The following YAF2 variants were observed in gnomAD, a reference collection of about 807,000 sequenced individuals.
The protein encoded by YAF2 is YY1-associated factor 2.
YAF2 carries 7 observed loss-of-function variants against 20.1 expected under a neutral mutation model. The observed-to-expected ratio is 0.35, with a 90% CI of 0.20 to 0.65. The LOEUF (loss-of-function observed/expected upper bound fraction) is 0.65. YAF2 is among the 30% of genes least tolerant of loss of function. The pLI is 0.69. For missense variants in YAF2, 151 were observed against 219.2 expected, an observed-to-expected ratio of 0.69 and a Z score of 1.96; for synonymous variants, 74 against 76.0, an observed-to-expected ratio of 0.97 and a Z score of 0.14.
At chr12:42,172,319 A>C (rs1435699856) in intron 2 of YAF2, 1 of 152,208 alleles carries the variant, frequency 6.6e-6, no homozygotes, top group African/African-American at 2.4e-5. Flanking sequence ...CAAAATTATA[A>C]ATTATTATAA....
chr12:42,161,713 C>A lies in YAF2; in HGVS notation c.205G>T (p.Val69Leu). 1.2e-6 allele frequency: 2 copies of A among 1,610,122 alleles called. No individual in the cohort carries two copies. The highest frequency in any genetic ancestry group is 1.7e-6 in the Non-Finnish European group (2 of 1,179,112). The change falls in exon 3 of 4, where the codon GTG becomes TTG. Residue 69 changes from valine (V) to leucine (L), a missense_variant. By Grantham distance (32) the Val-to-Leu change is conservative (BLOSUM62 1). Around this residue, in one of 3 missense-constraint regions of YAF2, gnomAD observed 50 missense variants for 112.0 expected, o/e 0.45. Coordinates refer to ENST00000534854, the MANE Select transcript of YAF2 (RefSeq NM_005748.6). The stretch of plus-strand genomic sequence containing the variant: ...TCTTTCTTTGACTGTGTAGGAGGCA[C>A]AAACTGCTGAGTAACCTGCTGTGCA... Reference protein sequence around the residue: ...LVAQQVTQQFVPPTQSKKEKK... With the variant: ...LVAQQVTQQFLPPTQSKKEKK...
chr12:42,180,385 C>T (rs1394594933), intron 2 of YAF2, among the ~76,000 whole-genome samples: 1 of 152,168 alleles, frequency 6.6e-6, no homozygotes, highest in Non-Finnish European at 1.5e-5. Context: ...GGTCCAACTG[C>T]CAGCAAAGAA....
intron 2 of YAF2, chr12:42,232,845 C>T (rs569604800): frequency 1.0e-6 from 1 of 985,124 alleles, no homozygotes; most frequent in Admixed American, 6.1e-5. Context: ...TTTTACCTAA[C>T]CATAATAATA....
intron 2 of YAF2, among the ~76,000 whole-genome samples, chr12:42,204,417 C>A (rs1010164203): frequency 6.6e-6 from 1 of 151,980 alleles, no homozygotes; most frequent in Non-Finnish European, 1.5e-5. Flanking sequence ...GACTTTTTTC[C>A]CTTGTCATTA....
intron 2 of YAF2, among the ~76,000 whole-genome samples, chr12:42,226,858 C>T (rs1309942634): frequency 6.6e-6 from 1 of 150,906 alleles, no homozygotes; most frequent in Middle Eastern, 3.2e-3. Flanking sequence ...GAGGTCGCGG[C>T]GCCGGAGGCC....
At chr12:42,167,180 C>T (rs1006471017) in intron 2 of YAF2, among the ~76,000 whole-genome samples, 3 of 151,938 alleles carry the variant, frequency 2.0e-5, no homozygotes, top group Admixed American at 6.6e-5. Context: ...AGGACAAATA[C>T]CTAATGCATG....
At chr12:42,235,761 A>T (rs565109622) in intron 2 of YAF2, 1 of 559,286 alleles carries the variant, frequency 1.8e-6, no homozygotes, top group East Asian at 6.9e-5. Context: ...ATGTACTGGT[A>T]AAAAAAAAAA....
intron 2 of YAF2, among the ~76,000 whole-genome samples, chr12:42,227,542 G>A (rs1216105237): frequency 6.7e-6 from 1 of 148,514 alleles, no homozygotes; most frequent in Non-Finnish European, 1.5e-5. Context: ...CCCCGTCTGG[G>A]AGGTGAGGAG....
chr12:42,202,650 T>G (rs918581106), intron 2 of YAF2, among the ~76,000 whole-genome samples: 1 of 152,226 alleles, frequency 6.6e-6, no homozygotes, highest in Non-Finnish European at 1.5e-5. Flanking sequence ...TTTATTTCTA[T>G]TTTTTGAGAT....
At chr12:42,173,048 CAGAG>C (rs879630684) in intron 2 of YAF2, among the ~76,000 whole-genome samples, 1 of 150,050 alleles carries the variant, frequency 6.7e-6, no homozygotes, top group Admixed American at 6.7e-5. Context: ...GAGAGAGAGA[CAGAG>C]AGAGAGAGAG....
intron 2 of YAF2, among the ~76,000 whole-genome samples, chr12:42,195,933 G>A (rs1206356255): frequency 6.6e-6 from 1 of 152,002 alleles, no homozygotes; most frequent in Non-Finnish European, 1.5e-5. Flanking sequence ...CAGAGAATGG[G>A]AGGACAGGCC....
intron 2 of YAF2, among the ~76,000 whole-genome samples, chr12:42,187,194 T>C (rs996007785): frequency 2.0e-5 from 3 of 152,168 alleles, no homozygotes; most frequent in African/African-American, 7.2e-5. Flanking sequence ...TTTTGCTGTG[T>C]CACCCAGGCT....
intron 2 of YAF2, chr12:42,233,263 A>C (rs1441292485): frequency 1.0e-6 from 1 of 985,302 alleles, no homozygotes; most frequent in Non-Finnish European, 1.2e-6. Context: ...TCCTCTAACA[A>C]AATGTAACAT....
intron 2 of YAF2, among the ~76,000 whole-genome samples, chr12:42,216,304 T>C (rs2067356308): frequency 6.6e-6 from 1 of 152,074 alleles, no homozygotes; most frequent in East Asian, 1.9e-4. Flanking sequence ...AAAATACAAA[T>C]CTAAATGCCA....
chr12:42,211,490 A>T (rs1646421042), intron 2 of YAF2, among the ~76,000 whole-genome samples: 1 of 150,610 alleles, frequency 6.6e-6, no homozygotes, highest in Admixed American at 6.6e-5. Flanking sequence ...TAATCCCAAC[A>T]CTTTTGGAGG....
chr12:42,191,484 G>C (rs1056785214), intron 2 of YAF2, among the ~76,000 whole-genome samples: 2 of 152,066 alleles, frequency 1.3e-5, no homozygotes, highest in Non-Finnish European at 2.9e-5. Flanking sequence ...GCATAGGTGG[G>C]CTTTGTATTT....
At chr12:42,200,794 A>G (rs1337799372) in intron 2 of YAF2, among the ~76,000 whole-genome samples, 2 of 152,198 alleles carry the variant, frequency 1.3e-5, no homozygotes, top group Admixed American at 1.3e-4. Flanking sequence ...ACACATCAAA[A>G]GGTAGCATGG....
chr12:42,203,860 T>C (rs2066966497), intron 2 of YAF2, among the ~76,000 whole-genome samples: 1 of 152,188 alleles, frequency 6.6e-6, no homozygotes, highest in African/African-American at 2.4e-5. Context: ...CTGAGTCAAT[T>C]TGCATAAGAT....
chr12:42,210,981 C>G (rs1265496280), intron 2 of YAF2: 1 of 194,674 alleles, frequency 5.1e-6, no homozygotes, highest in African/African-American at 2.3e-5. Flanking sequence ...TATATTAGTA[C>G]AAGAATAATT....
Sources: gnomAD v4.1 joint callset for allele counts (sites outside exome capture counted in the v4.1 genomes callset) on GRCh38, gnomAD v4.1.1 for gene constraint, gnomAD v4.1.1 regional missense constraint, MANE v1.5 for transcripts, NCBI Gene and HGNC (gene_info 2026-07-23, HGNC 2026-07-21) for gene names.